KLF16: variants seen among roughly 807,000 people sequenced by gnomAD.
The protein encoded by KLF16 is Krueppel-like factor 16.
In KLF16, 6 loss-of-function variants were observed where a neutral mutation model predicts 6.1. That is an observed-to-expected ratio of 0.98 (90% confidence interval 0.54 to 1.93). The LOEUF (loss-of-function observed/expected upper bound fraction) is 1.93, where lower values mean the gene tolerates loss of function less well. Ranked by LOEUF, KLF16 falls within the 30% of genes most tolerant of loss-of-function variation. The pLI, the probability that KLF16 is intolerant of heterozygous loss-of-function variation, is 0.01. For synonymous variants in KLF16, 211 were observed against 176.5 expected, an observed-to-expected ratio of 1.20 and a Z score of -1.55; for missense variants, 355 against 363.8, an observed-to-expected ratio of 0.98 and a Z score of 0.20.
At chr19:1,867,787 A>T (rs1214908426), upstream of KLF16, among the ~76,000 whole-genome samples, 2 of 152,144 alleles carry the variant, frequency 1.3e-5, no homozygotes, top group African/African-American at 4.8e-5. Flanking sequence ...GAATTGCTTG[A>T]ACTGGAGAGG....
chr19:1,853,203 C>CCCA lies in KLF16; in HGVS notation c.*1253_*1255dup, dbSNP rs1194553868. ...CCACCCAAGTTCAGCTCAGAGACCC[C>CCCA]CCACACACACTCACACCCCCTGAGG... On this transcript the variant is annotated 3_prime_UTR_variant, in exon 2 of 2. Transcript: ENST00000250916. 1 of 151,986 alleles carries CCCA rather than the reference C, an allele frequency of 6.6e-6. No homozygotes were observed. The highest frequency in any genetic ancestry group is 6.6e-5 in the Admixed American group (1 of 15,250). 9.4% of individuals were successfully genotyped at this position (151,986 alleles called of 1,614,324 possible).
At chr19:1,861,255 G>A (rs1315852894) in intron 1 of KLF16, among the ~76,000 whole-genome samples, 1 of 152,120 alleles carries the variant, frequency 6.6e-6, no homozygotes, top group Non-Finnish European at 1.5e-5. Context: ...CAGAAACTCA[G>A]AAAACCCAAA....
chr19:1,875,937 C>T, the KLF16 span: 3 of 152,340 alleles, frequency 2.0e-5, no homozygotes, highest in Admixed American at 6.5e-5. Context: ...TTCCGAACGT[C>T]CCGTAGCACC....
upstream of KLF16, among the ~76,000 whole-genome samples, chr19:1,864,027 GC>G (rs1363681747): frequency 2.9e-4 from 39 of 132,832 alleles, no homozygotes; most frequent in Non-Finnish European, 4.8e-5. Context: ...TCTCCGGCAC[GC>G]CCCTCCTTCC....
upstream of KLF16, among the ~76,000 whole-genome samples, chr19:1,866,222 C>G (rs991679707): frequency 4.6e-5 from 7 of 151,698 alleles, no homozygotes; most frequent in Non-Finnish European, 1.0e-4. Flanking sequence ...GCAGGAGAAT[C>G]GCTTGAATCT....
chr19:1,872,555 C>T, the KLF16 span, among the ~76,000 whole-genome samples: 21 of 152,220 alleles, frequency 1.4e-4, no homozygotes, highest in African/African-American at 5.1e-4. Flanking sequence ...GCGCTCTTAT[C>T]CTCCACGGAC....
At chr19:1,863,858 CCTAGCGT>C (rs2012131500), upstream of KLF16, among the ~76,000 whole-genome samples, 1 of 146,470 alleles carries the variant, frequency 6.8e-6, no homozygotes, top group African/African-American at 2.5e-5. Context: ...TCCGCCAGCG[CCTAGCGT>C]CTTAGGCCCG....
the KLF16 span, chr19:1,874,745 C>CA: frequency 4.1e-5 from 2 of 48,698 alleles, no homozygotes; most frequent in African/African-American, 2.2e-4. Context: ...TGTCAGAGTC[C>CA]CAAAAAAAAA....
chr19:1,871,468 A>G, the KLF16 span, among the ~76,000 whole-genome samples: 1 of 152,036 alleles, frequency 6.6e-6, no homozygotes. Flanking sequence ...ACAAAACCCT[A>G]AAGTCCCCAC....
At chr19:1,862,710 C>A (rs551129722) in intron 1 of KLF16, 3 of 287,414 alleles carry the variant, frequency 1.0e-5, no homozygotes, top group East Asian at 5.0e-5. Flanking sequence ...CAGACCAGAA[C>A]GCAAAAGAAA....
chr19:1,872,094 G>T, the KLF16 span, among the ~76,000 whole-genome samples: 1 of 152,116 alleles, frequency 6.6e-6, no homozygotes, highest in African/African-American at 2.4e-5. Flanking sequence ...TTCCATAAGA[G>T]CTTTCCCCCT....
chr19:1,868,653 T>C, the KLF16 span, among the ~76,000 whole-genome samples: 3 of 149,800 alleles, frequency 2.0e-5, no homozygotes, highest in Non-Finnish European at 4.5e-5. Flanking sequence ...TTTTTTTTTT[T>C]TTTTTTTGGA....
chr19:1,856,268 TGAG>T (rs1295645430), intron 1 of KLF16, among the ~76,000 whole-genome samples: 2 of 151,930 alleles, frequency 1.3e-5, no homozygotes, highest in Admixed American at 1.3e-4. Flanking sequence ...GGAGCCCAGC[TGAG>T]GAGGGGCACG....
intron 1 of KLF16, among the ~76,000 whole-genome samples, chr19:1,856,648 G>C (rs934030860): frequency 4.6e-5 from 7 of 152,190 alleles, no homozygotes; most frequent in African/African-American, 1.7e-4. Flanking sequence ...CCCTGGAAGG[G>C]ACCCCACTCC....
the KLF16 span, among the ~76,000 whole-genome samples, chr19:1,872,440 G>A: frequency 6.6e-6 from 1 of 152,154 alleles, no homozygotes; most frequent in Non-Finnish European, 1.5e-5. Context: ...CTAGTGGTGG[G>A]GTTTCAGGGC....
the KLF16 span, among the ~76,000 whole-genome samples, chr19:1,874,171 A>G: frequency 6.6e-6 from 1 of 152,314 alleles, no homozygotes; most frequent in East Asian, 1.9e-4. Context: ...AGCAATCTCA[A>G]TGTTTTCAAA....
rs984292331 is a variant in KLF16, at chr19:1,856,989, C to T, written c.458-2229G>A. Among the ~76,000 whole-genome samples, 3 of 141,644 alleles carry T rather than the reference C, an allele frequency of 2.1e-5. No individual in the cohort carries two copies. The Admixed American group carries it at 2.1e-4, about 10-fold the overall frequency. 92.9% of individuals were successfully genotyped at this position (141,644 alleles called of 152,430 possible). A position where few individuals can be genotyped will look rare whatever the true frequency, so the allele number is the denominator to read the frequency against. The stretch of plus-strand genomic sequence containing the variant: ...CGACCGGGGCAGGGGCGCGCAGCCG[C>T]TGGGAACACAGCTGCCGCACGTAGC... On this transcript the variant is annotated intron_variant, in intron 1 of 1. Transcript: ENST00000250916.
chr19:1,872,620 G>C, the KLF16 span, among the ~76,000 whole-genome samples: 4 of 152,254 alleles, frequency 2.6e-5, no homozygotes, highest in Non-Finnish European at 5.9e-5. Flanking sequence ...GGAGAGAATA[G>C]GCTCTGGTCT....
upstream of KLF16, among the ~76,000 whole-genome samples, chr19:1,866,058 C>A (rs891408043): frequency 2.6e-5 from 4 of 152,148 alleles, no homozygotes; most frequent in African/African-American, 9.7e-5. Context: ...AATCCCAGCA[C>A]TTTGGGAGGC....
Sources: allele counts gnomAD v4.1 joint callset (sites outside exome capture counted in the v4.1 genomes callset), GRCh38; gene constraint gnomAD v4.1.1; transcripts MANE v1.5; gene names NCBI Gene and HGNC (gene_info 2026-07-23, HGNC 2026-07-21).